GPLD1: variants seen among roughly 807,000 people sequenced by gnomAD.
GPLD1 encodes phosphatidylinositol-glycan-specific phospholipase D.
A neutral mutation model predicts 112.6 loss-of-function variants in GPLD1; 84 were observed. The ratio of observed to expected loss-of-function variants is 0.75; its 90% CI spans 0.63 to 0.89. GPLD1 has a LOEUF of 0.89. Ranked by LOEUF, GPLD1 falls within the 40% of genes least tolerant of loss-of-function variation. The probability of loss-of-function intolerance (pLI) is 0.00; values close to 1 mark genes in which losing one functional copy is unlikely to be tolerated. For synonymous variants in GPLD1, 386 were observed against 403.8 expected (o/e 0.96, Z 0.53); for missense variants, 1,044 against 1,051.5 (o/e 0.99, Z 0.10).
chr6:24,484,752 T>C (rs1464399429), intron 2 of GPLD1, among the ~76,000 whole-genome samples: 1 of 152,202 alleles, frequency 6.6e-6, no homozygotes, highest in Non-Finnish European at 1.5e-5. Context: ...AAGATGACTA[T>C]CAGATATAAA....
rs577966443 is a variant in GPLD1, at chr6:24,447,056, C to T, written c.1679-77G>A. 112 of 1,358,498 alleles carry T rather than the reference C, an allele frequency of 8.2e-5. No homozygotes were observed. In the African/African-American group the frequency reaches 9.5e-4, roughly 12 times the overall value. 84.2% of individuals were successfully genotyped at this position (1,358,498 alleles called of 1,614,324 possible). ...TGGGATGAAAAGAAAGGGTCCTTCT[C>T]GTAGCCTAATAGAAGTGGGTTCATT... On this transcript the variant is annotated intron_variant, in intron 17 of 24. Coordinates refer to ENST00000230036, the MANE Select transcript of GPLD1 (RefSeq NM_001503.4).
At chr6:24,441,407 G>C (rs9379660) in intron 20 of GPLD1, among the ~76,000 whole-genome samples, 83,379 of 151,974 alleles carry the variant, frequency 0.55, 24,933 homozygotes, top group African/African-American at 0.79. Context: ...TCAGTGAACT[G>C]GCAAAGATGC....
chr6:24,492,838 G>A (rs1238342563), upstream of GPLD1, among the ~76,000 whole-genome samples: 3 of 152,200 alleles, frequency 2.0e-5, no homozygotes, highest in African/African-American at 2.4e-5. Context: ...AGCTCCAGGC[G>A]CTTTTGCCTT....
rs779987933 is a variant in GPLD1, at chr6:24,467,260, T to C, written c.560A>G (p.Lys187Arg). 3.2e-6 allele frequency: 5 copies of C among 1,583,888 alleles called. No individual in the cohort carries two copies. Among genetic ancestry groups the C allele is most frequent in the South Asian group, 1.1e-5 (1 of 90,436 alleles). ...YLARRWYVPV[K>R]DLLGIYEKLY... ...TTTCTCATAAATTCCCAGTAGATCT[T>C]TGACTGGCACATACCTGAAAAATGC... Residue 187 changes from lysine to arginine, a missense_variant, in exon 8 of 25, where the codon AAA becomes AGA. Physicochemically the swap from Lys to Arg is conservative, Grantham distance 26 (BLOSUM62 2). Transcript: ENST00000230036.
At position 24,494,949 on chromosome 6, in the gene GPLD1, G is replaced by A. The variant is rs551187470; in HGVS notation, n.239+18C>T. ...TTCCCCGCGACCCCTGCGTTCCCGT[G>A]CGCGCGCGCCCGCTTGCCTGTTTCC... On this transcript the variant is annotated intron_variant and non_coding_transcript_variant, in intron 1 of 10. Transcript: ENST00000474784. 457 of 1,281,380 alleles carry A rather than the reference G, an allele frequency of 3.6e-4. 1 individual carries two copies. The African/African-American group carries it at 6.3e-3, about 18-fold the overall frequency. The allele number at this position is 1,281,380 out of a possible 1,614,324, so 79.4% of individuals were successfully genotyped here.
upstream of GPLD1, among the ~76,000 whole-genome samples, chr6:24,494,421 C>A (rs1243393632): frequency 6.6e-6 from 1 of 152,154 alleles, no homozygotes; most frequent in Admixed American, 6.5e-5. Context: ...CCCAAAAAAG[C>A]AGCCAGGCAG....
At chr6:24,449,669 GCT>G (rs369520216) in intron 15 of GPLD1, 118 bp downstream of exon 15, 8 of 689,904 alleles carry the variant, frequency 1.2e-5, no homozygotes, top group Middle Eastern at 2.6e-4. Context: ...GCTCACAAAT[GCT>G]CTGTCTCACA....
At chr6:24,480,328 G>A (rs1764159009) in intron 2 of GPLD1, among the ~76,000 whole-genome samples, 1 of 151,232 alleles carries the variant, frequency 6.6e-6, no homozygotes, top group Admixed American at 6.6e-5. Context: ...TGTTGCTGTT[G>A]TTGTTTGTTT....
chr6:24,484,910 T>C (rs1228970761), intron 2 of GPLD1, among the ~76,000 whole-genome samples: 1 of 152,252 alleles, frequency 6.6e-6, no homozygotes, highest in Non-Finnish European at 1.5e-5. Context: ...TATTAAATGA[T>C]CCAATTCTGA....
rs4646829 is a variant in GPLD1, at chr6:24,494,776, C to T, written n.239+191G>A. 12,518 of 436,896 alleles carry T rather than the reference C, an allele frequency of 0.029. 297 individuals are homozygous for T. The highest frequency in any genetic ancestry group is 0.08 in the African/African-American group (3,906 of 48,920). The allele number at this position is 436,896 out of a possible 1,614,324, so 27.1% of individuals were successfully genotyped here. ...GAGAAGGTCGCGCCAGGAGAGAAGC[C>T]GCGCGGCGCTTAGGGCAAGGTGCAG... is the stretch of plus-strand genomic sequence containing the variant. On this transcript the variant is annotated intron_variant and non_coding_transcript_variant, in intron 1 of 10. Coordinates refer to the GPLD1 transcript ENST00000474784.
Position 24,436,683 on chromosome 6 carries a change from T to C in GPLD1, c.2251A>G (p.Ile751Val). 1 of 1,614,080 alleles carries C rather than the reference T, an allele frequency of 6.2e-7. No homozygotes were observed. The highest frequency in any genetic ancestry group is 8.5e-7 in the Non-Finnish European group (1 of 1,179,990). ...LRIADVTSGLIGGEDGRVYVY... is the reference protein window; with the variant it reads ...LRIADVTSGLVGGEDGRVYVY... Reference sequence around the variant, plus strand: ...TATACTCGGCCGTCTTCTCCCCCAATCAGTCCAGAGGTTACATCTGCTATC... The same window carrying C: ...TATACTCGGCCGTCTTCTCCCCCAACCAGTCCAGAGGTTACATCTGCTATC... The change falls in exon 22 of 25, where the codon ATT becomes GTT. Residue 751 changes from isoleucine to valine, a missense_variant. Ile to Val is a conservative substitution (Grantham distance 29, BLOSUM62 3). Coordinates refer to ENST00000230036, the MANE Select transcript of GPLD1 (RefSeq NM_001503.4).
At chr6:24,479,813 T>C in intron 3 of GPLD1, 68 bp downstream of exon 3, 1 of 831,778 alleles carries the variant, frequency 1.2e-6, no homozygotes, top group Non-Finnish European at 2.1e-6. Flanking sequence ...TATATATTTT[T>C]AAAGTCATAG....
At chr6:24,463,639 G>A (rs753281045) in intron 10 of GPLD1, among the ~76,000 whole-genome samples, 4 of 152,184 alleles carry the variant, frequency 2.6e-5, no homozygotes, top group Admixed American at 6.5e-5. Flanking sequence ...AGAGTTTGAG[G>A]TGAGTAGAGT....
rs772801233 is a variant in GPLD1 at position 24,489,407 on chromosome 6, G to C, written c.97+8C>G. ...CTCTCAACAACATAACAAGACACCA[G>C]TACTTACCTATTTCTACGTGTGTTG... On this transcript the variant is annotated splice_region_variant and intron_variant, in intron 1 of 24. Coordinates refer to ENST00000230036, the MANE Select transcript of GPLD1 (RefSeq NM_001503.4). The C allele has an allele frequency of 6.4e-7, 1 of 1,565,910 alleles. No individual in the cohort carries two copies. The highest frequency in any genetic ancestry group is 1.4e-5 in the African/African-American group (1 of 73,804).
chr6:24,470,335 T>C (rs1041227291), intron 7 of GPLD1, among the ~76,000 whole-genome samples: 15 of 152,272 alleles, frequency 9.9e-5, no homozygotes, highest in African/African-American at 2.9e-4. Flanking sequence ...AAGAGGGATT[T>C]TGCCTCACGA....
rs374810724 is a variant in GPLD1 at position 24,473,651 on chromosome 6, G to A, written c.458C>T (p.Ser153Phe). 9.9e-6 allele frequency: 16 copies of A among 1,608,644 alleles called. No homozygotes were observed. The highest frequency in any genetic ancestry group is 1.6e-4 in the Middle Eastern group (1 of 6,066). Residue 153 changes from serine (S) to phenylalanine (F), a missense_variant, in exon 6 of 25, where the codon TCC becomes TTC. Physicochemically the swap from Ser to Phe is radical, Grantham distance 155 (BLOSUM62 -2). Coordinates refer to ENST00000230036, the MANE Select transcript of GPLD1 (RefSeq NM_001503.4). ...RTMGAIDFHG[S>F]YSEAHSAGDF... ...ACCAGCCGAATGAGCCTCTGAATAGGAGCCGTGAAAATCAATCTAAGAAAG... is the reference window on the plus strand; with the variant it reads ...ACCAGCCGAATGAGCCTCTGAATAGAAGCCGTGAAAATCAATCTAAGAAAG...
chr6:24,484,989 T>G (rs1230971063), intron 2 of GPLD1, among the ~76,000 whole-genome samples: 2 of 152,238 alleles, frequency 1.3e-5, no homozygotes, highest in Non-Finnish European at 2.9e-5. Flanking sequence ...TCACAAAGTA[T>G]TATTTAGCCA....
chr6:24,456,603 C>T lies in GPLD1; in HGVS notation c.1043G>A (p.Arg348Lys). 6.2e-7 allele frequency: 1 copy of T among 1,604,762 alleles called. No individual in the cohort carries two copies. Among genetic ancestry groups the T allele is most frequent in the Non-Finnish European group, 8.5e-7 (1 of 1,172,058 alleles). ...ACCTATGAACATTGTCCTTATGTTC[C>T]TTTCCAAAGCCTTGTAGATAAAGGA... is the stretch of plus-strand genomic sequence containing the variant. Reference protein sequence around the residue: ...SMSFIYKALERNIRTMFIGGS... With the variant: ...SMSFIYKALEKNIRTMFIGGS... Residue 348 changes from arginine to lysine, a missense_variant, in exon 13 of 25, where the codon AGG becomes AAG. Arg to Lys is a conservative substitution (Grantham distance 26). Transcript: ENST00000230036.
intron 22 of GPLD1, among the ~76,000 whole-genome samples, chr6:24,435,263 A>G (rs549868837): frequency 7.4e-4 from 112 of 152,146 alleles, no homozygotes; most frequent in African/African-American, 2.3e-3. Context: ...CGCCCGCCTC[A>G]GCCTCCCAAA....
Sources: gnomAD v4.1 joint callset for allele counts (sites outside exome capture counted in the v4.1 genomes callset) on GRCh38, gnomAD v4.1.1 for gene constraint, MANE v1.5 for transcripts, NCBI Gene and HGNC (gene_info 2026-07-23, HGNC 2026-07-21) for gene names.